TRABD: variants seen among roughly 807,000 people sequenced by gnomAD.
TRABD encodes the protein TraB domain containing, also known as traB domain-containing protein.
TRABD carries 23 observed loss-of-function variants against 39.6 expected under a neutral mutation model. That is an observed-to-expected ratio of 0.58 (90% CI 0.42 to 0.82). TRABD has a LOEUF of 0.82. TRABD is among the 40% of genes least tolerant of loss of function. TRABD has a pLI of 0.00. For missense variants in TRABD, 487 were observed against 544.9 expected, an observed-to-expected ratio of 0.89 and a Z score of 1.06; for synonymous variants, 243 against 232.1, an observed-to-expected ratio of 1.05 and a Z score of -0.43.
At chr22:50,186,950 G>A (rs1445651421) in intron 1 of TRABD, among the ~76,000 whole-genome samples, 1 of 152,234 alleles carries the variant, frequency 6.6e-6, no homozygotes, top group East Asian at 1.9e-4. Context: ...AGCTCCCTGC[G>A]GGGACTCCCG....
At chr22:50,188,257 G>A (rs2063808611) in intron 1 of TRABD, among the ~76,000 whole-genome samples, 1 of 151,600 alleles carries the variant, frequency 6.6e-6, no homozygotes, top group Admixed American at 6.6e-5. Flanking sequence ...ACTCCAGCCT[G>A]GGCGACAGAG....
rs760590337 is a variant in TRABD at position 50,194,476 on chromosome 22, C to T, written c.249C>T (p.Phe83=). Reference sequence around the variant, plus strand: ...TGTACGTGGTGGGGACAGCCCACTTCAGCGACGACAGCAAGAGGGACGTTG... The same window carrying T: ...TGTACGTGGTGGGGACAGCCCACTTTAGCGACGACAGCAAGAGGGACGTTG... ...SRVYVVGTAH[F]SDDSKRDVVK... is the part of the protein sequence containing the mutation. The change falls in exon 4 of 10, where the codon TTC becomes TTT. Residue 83 remains phenylalanine, a synonymous_variant. Coordinates refer to ENST00000380909, the MANE Select transcript of TRABD (RefSeq NM_001320485.2). 6.3e-7 allele frequency: 1 copy of T among 1,597,848 alleles called. No homozygotes were observed. Among genetic ancestry groups the T allele is most frequent in the South Asian group, 1.1e-5 (1 of 89,022 alleles).
At chr22:50,197,776 C>CCCCCCCGGGCCCA in intron 7 of TRABD, 47 bp from the exon 8 acceptor site, 1 of 1,439,454 alleles carries the variant, frequency 6.9e-7, no homozygotes, top group Non-Finnish European at 9.7e-7. Flanking sequence ...CCCACCCCCC[C>CCCCCCCGGGCCCA]AGCCCGTTGC....
chr22:50,189,010 C>CT (rs912433671), intron 1 of TRABD, among the ~76,000 whole-genome samples: 1 of 152,208 alleles, frequency 6.6e-6, no homozygotes, highest in African/African-American at 2.4e-5. Flanking sequence ...CCAGATATCC[C>CT]TTTTTACAGA....
Position 50,198,028 on chromosome 22 carries a change from T to C in TRABD, c.844+33T>C. The C allele has an allele frequency of 6.2e-7, 1 of 1,610,748 alleles. No homozygotes were observed. Among genetic ancestry groups the C allele is most frequent in the Non-Finnish European group, 8.5e-7 (1 of 1,178,556 alleles). On this transcript the variant is annotated intron_variant, in intron 8 of 9. Coordinates refer to ENST00000380909, the MANE Select transcript of TRABD (RefSeq NM_001320485.2). This position sits in a 1 kb window ranked among gnomAD's most constrained non-coding sequence, Gnocchi z 7.9. ...CCGCCCGCAGGCGTGGGACCCCCTGTGAGGCTGAGGCCCGAGCAGGTACTG... is the reference window on the plus strand; with the variant it reads ...CCGCCCGCAGGCGTGGGACCCCCTGCGAGGCTGAGGCCCGAGCAGGTACTG...
chr22:50,197,193 A>ACCCCCCCCCCC lies in TRABD; in HGVS notation c.421-43_421-42insCCCCCCCCCCC. ...CCCAGTTCTGCCATTCCCCCAGCGC[A>ACCCCCCCCCCC]CCCCCGCACCCGCCCCTCCAGCTGA... is the stretch of plus-strand genomic sequence containing the variant. On this transcript the variant is annotated intron_variant, in intron 5 of 9. Coordinates refer to ENST00000380909, the MANE Select transcript of TRABD (RefSeq NM_001320485.2). 15 of 1,560,180 alleles carry ACCCCCCCCCCC rather than the reference A, an allele frequency of 9.6e-6. No individual in the cohort carries two copies. In the African/African-American group the frequency reaches 1.1e-4, roughly 12 times the overall value.
intron 1 of TRABD, among the ~76,000 whole-genome samples, chr22:50,187,310 C>A (rs898899926): frequency 2.0e-5 from 3 of 152,258 alleles, no homozygotes; most frequent in African/African-American, 7.2e-5. Context: ...TCCCGTCTCC[C>A]AGCTCTGCCA....
At chr22:50,197,776 C>CCCCCCCCATGCCCAA in intron 7 of TRABD, 47 bp from the exon 8 acceptor site, 1 of 1,439,454 alleles carries the variant, frequency 6.9e-7, no homozygotes, top group Non-Finnish European at 9.7e-7. Flanking sequence ...CCCACCCCCC[C>CCCCCCCCATGCCCAA]AGCCCGTTGC....
At chr22:50,197,763 A>AGGCCCCCCCCCCCCCCCCCCCT in intron 7 of TRABD, 60 bp from the exon 8 acceptor site, 3 of 1,439,774 alleles carry the variant, frequency 2.1e-6, no homozygotes, top group Non-Finnish European at 2.9e-6. Context: ...CCACAGTGCC[A>AGGCCCCCCCCCCCCCCCCCCCT]GCCCCACCCC....
At chr22:50,195,065 G>A in intron 5 of TRABD, 25 bp downstream of exon 5, 1 of 1,546,390 alleles carries the variant, frequency 6.5e-7, no homozygotes, top group Non-Finnish European at 8.7e-7. Flanking sequence ...GCAAGGGTCA[G>A]GGTCAGGGTC....
At chr22:50,197,788 C>CTT in intron 7 of TRABD, 35 bp from the exon 8 acceptor site, 1 of 1,590,714 alleles carries the variant, frequency 6.3e-7, no homozygotes, top group Admixed American at 1.7e-5. Context: ...GCCCGTTGCC[C>CTT]ATCCCTGCGG....
chr22:50,196,242 G>A (rs1418711652), intron 5 of TRABD, among the ~76,000 whole-genome samples: 2 of 152,210 alleles, frequency 1.3e-5, no homozygotes, highest in Non-Finnish European at 2.9e-5. Context: ...GAGGTGGAGT[G>A]GGTCCCAGTG....
At position 50,195,030 on chromosome 22, in the gene TRABD, C is replaced by T; in HGVS notation, c.410C>T (p.Ala137Val). The T allele has an allele frequency of 1.3e-6, 2 of 1,596,728 alleles. No individual in the cohort carries two copies. Among genetic ancestry groups the T allele is most frequent in the Non-Finnish European group, 1.7e-6 (2 of 1,175,560 alleles). The change falls in exon 5 of 10, where the codon GCC (alanine) becomes GTC (valine). Residue 137 changes from alanine (A) to valine (V), a missense_variant. Around this residue, in one of 3 missense-constraint regions of TRABD, gnomAD observed 358 missense variants for 414.7 expected, o/e 0.86. Transcript: ENST00000380909. ...QELSLEKLQQ[A>V]VRQNGLMSGL... The stretch of plus-strand genomic sequence containing the variant: ...CTCAGCCTGGAGAAGCTGCAGCAGG[C>T]CGTGAGGCAGGTGCGCAGCCGCGGG...
chr22:50,188,985 T>C (rs577419736), intron 1 of TRABD, among the ~76,000 whole-genome samples: 1 of 152,342 alleles, frequency 6.6e-6, no homozygotes, highest in African/African-American at 2.4e-5. Context: ...GCACAGAGGA[T>C]CATGGTTTCC....
At chr22:50,189,755 CGG>C (rs2063846828) in intron 1 of TRABD, among the ~76,000 whole-genome samples, 1 of 150,392 alleles carries the variant, frequency 6.6e-6, no homozygotes, top group African/African-American at 2.5e-5. Context: ...GTGTGCTGGC[CGG>C]ACCCCAGGTG....
rs767840851 is a variant in TRABD at position 50,197,228 on chromosome 22, CCT to C, written c.421-6_421-5del. 8.7e-6 allele frequency: 14 copies of C among 1,612,072 alleles called. No homozygotes were observed. Among genetic ancestry groups the C allele is most frequent in the Admixed American group, 1.7e-5 (1 of 59,914 alleles). ...CCGCCCCTCCAGCTGATGCCTGCTC[CCT>C]CTCTCTGCAGAACGGGCTCATGTCG... On this transcript the variant is annotated splice_polypyrimidine_tract_variant and intron_variant, in intron 5 of 9. Coordinates refer to ENST00000380909, the MANE Select transcript of TRABD (RefSeq NM_001320485.2).
chr22:50,195,185 C>G (rs2064056727), intron 5 of TRABD, 145 bp downstream of exon 5: 1 of 1,102,482 alleles, frequency 9.1e-7, no homozygotes, highest in Non-Finnish European at 1.3e-6. Flanking sequence ...TTAGGGACCT[C>G]CCCTGGGCCA....
intron 3 of TRABD, 126 bp downstream of exon 3, chr22:50,193,780 C>T (rs1262053946): frequency 2.2e-6 from 2 of 891,288 alleles, no homozygotes; most frequent in Admixed American, 2.1e-5. Flanking sequence ...TGGCCGAGAC[C>T]TGAGGTAGGT....
chr22:50,198,189 GA>G lies in TRABD; in HGVS notation c.956+4del. 1 of 1,603,712 alleles carries G rather than the reference GA, an allele frequency of 6.2e-7. No individual in the cohort carries two copies. Among genetic ancestry groups the G allele is most frequent in the Non-Finnish European group, 8.5e-7 (1 of 1,175,820 alleles). On this transcript the variant is annotated splice_donor_region_variant and intron_variant, in intron 9 of 9. Transcript: ENST00000380909. This position sits in a 1 kb window ranked among gnomAD's most constrained non-coding sequence, Gnocchi z 7.9. ...CTCAACATCCAGGAGATCATGACGT[GA>G]GTGCCCGCCCCTCCCTGCAAGCCCC...
Sources: gnomAD v4.1 joint callset for allele counts (sites outside exome capture counted in the v4.1 genomes callset) on GRCh38, gnomAD v4.1.1 for gene constraint, gnomAD v4.1.1 regional missense constraint, Gnocchi (gnomAD v3.1) non-coding constraint, MANE v1.5 for transcripts, NCBI Gene and HGNC (gene_info 2026-07-23, HGNC 2026-07-21) for gene names.